The following VRK2 variants were observed in gnomAD, a reference collection of about 807,000 sequenced individuals.
The protein encoded by VRK2 is VRK serine/threonine kinase 2.
A neutral mutation model predicts 57.6 loss-of-function variants in VRK2; 60 were observed. That is an observed-to-expected ratio of 1.04 (90% CI 0.85 to 1.29). The LOEUF is 1.29. Ranked by LOEUF, VRK2 falls within the 50% of genes most tolerant of loss-of-function variation. VRK2 has a pLI of 0.00. For synonymous variants in VRK2, 231 were observed against 199.2 expected (o/e 1.16, Z -1.35); for missense variants, 705 against 588.1 (o/e 1.20, Z -2.06).
At chr2:58,041,923 C>T (rs185865788), upstream of VRK2, among the ~76,000 whole-genome samples, 14 of 152,166 alleles carry the variant, frequency 9.2e-5, no homozygotes, top group African/African-American at 3.4e-4. Flanking sequence ...TCCTACCCCC[C>T]TTTCAAGCTG....
intron 3 of VRK2, 44 bp from the exon 4 acceptor site, chr2:58,084,837 G>A (rs1026247491): frequency 8.0e-7 from 1 of 1,247,518 alleles, no homozygotes; most frequent in African/African-American, 1.5e-5. Context: ...TCCATCTTTG[G>A]GATTATTTTT....
At chr2:57,946,633 T>C (rs1671269750) in intron 1 of VRK2, among the ~76,000 whole-genome samples, 1 of 152,186 alleles carries the variant, frequency 6.6e-6, no homozygotes, top group Non-Finnish European at 1.5e-5. Context: ...TCATAGGTCA[T>C]ATTTTGAGAT....
At chr2:58,130,624 G>A (rs1679049136) in intron 8 of VRK2, among the ~76,000 whole-genome samples, 1 of 152,128 alleles carries the variant, frequency 6.6e-6, no homozygotes, top group Non-Finnish European at 1.5e-5. Context: ...ATTGTTCTTA[G>A]TAGATGACTT....
At chr2:58,016,639 C>T (rs889895994) in intron 1 of VRK2, among the ~76,000 whole-genome samples, 4 of 152,122 alleles carry the variant, frequency 2.6e-5, no homozygotes, top group Admixed American at 6.5e-5. Context: ...GGATTACAGC[C>T]GTGAGCCACC....
rs557048358 is a variant in VRK2 at position 58,113,561 on chromosome 2, G to A, written c.544-9540G>A. ...AGCGAAGGGAGATAGGGGTGGGACC[G>A]TTTTATAGGATTTGGGAAGGTAATG... On this transcript the variant is annotated intron_variant, in intron 7 of 12. Coordinates refer to ENST00000340157, the MANE Select transcript of VRK2 (RefSeq NM_006296.7). Among the ~76,000 whole-genome samples the A allele has an allele frequency of 4.6e-5, 7 of 152,212 alleles. No individual in the cohort carries two copies. In the South Asian group the frequency reaches 8.3e-4, roughly 18 times the overall value.
At position 57,980,857 on chromosome 2, in the gene VRK2, CT is replaced by C. The variant is rs955226661; in HGVS notation, c.-438-44799del. Among the ~76,000 whole-genome samples the C allele has an allele frequency of 3.2e-3, 491 of 151,364 alleles. 7 individuals are homozygous for C. Among genetic ancestry groups the C allele is most frequent in the East Asian group, 1.9e-3 (10 of 5,168 alleles). On this transcript the variant is annotated intron_variant, in intron 1 of 15. Coordinates refer to the VRK2 transcript ENST00000417641. ...CCTAAAATAAGAATAGCAACGCTTGCTTTTTTTTTCTTTTCTGTTTGCTTGA... is the reference window on the plus strand; with the variant it reads ...CCTAAAATAAGAATAGCAACGCTTGCTTTTTTTTCTTTTCTGTTTGCTTGA...
chr2:58,142,318 G>C (rs1681468577), intron 11 of VRK2, among the ~76,000 whole-genome samples: 1 of 147,990 alleles, frequency 6.8e-6, no homozygotes, highest in Non-Finnish European at 1.5e-5. Flanking sequence ...TTTTGCAAAA[G>C]AAAAAGTTTT....
intron 3 of VRK2, among the ~76,000 whole-genome samples, chr2:58,040,471 G>C (rs894360850): frequency 2.0e-5 from 3 of 152,186 alleles, no homozygotes; most frequent in African/African-American, 7.2e-5. Flanking sequence ...GAGACTTAGA[G>C]GAAAACCTAA....
intron 1 of VRK2, among the ~76,000 whole-genome samples, chr2:57,990,631 A>T (rs1672734550): frequency 6.6e-6 from 1 of 152,226 alleles, no homozygotes; most frequent in Non-Finnish European, 1.5e-5. Context: ...TAGAGCTCAC[A>T]CATATGGAAG....
intron 2 of VRK2, among the ~76,000 whole-genome samples, chr2:58,065,510 G>GTT (rs1298186051): frequency 6.6e-6 from 1 of 152,026 alleles, no homozygotes; most frequent in African/African-American, 2.4e-5. Flanking sequence ...CACAGTTTGT[G>GTT]TATTCTACCA....
In VRK2 at chr2:57,946,761, C is replaced by T. The variant is rs13391649; in HGVS notation, c.-439+38922C>T. Among the ~76,000 whole-genome samples, 401 of 152,102 alleles carry T rather than the reference C, an allele frequency of 2.6e-3. 3 individuals are homozygous for T. Among genetic ancestry groups the T allele is most frequent in the African/African-American group, 9.1e-3 (378 of 41,508 alleles). ...CTAACATCAATACTTTCTGTTCAAC[C>T]AAATTTATGAGCCTTCTGGATGTTT... On this transcript the variant is annotated intron_variant, in intron 1 of 15. Transcript: ENST00000417641.
At chr2:58,102,846 C>A (rs529842648) in intron 7 of VRK2, among the ~76,000 whole-genome samples, 1 of 151,696 alleles carries the variant, frequency 6.6e-6, no homozygotes, top group East Asian at 1.9e-4. Flanking sequence ...ACAAAACTAG[C>A]CTCAATACAT....
At chr2:57,956,525 T>C (rs1671590955) in intron 1 of VRK2, among the ~76,000 whole-genome samples, 1 of 152,226 alleles carries the variant, frequency 6.6e-6, no homozygotes, top group Non-Finnish European at 1.5e-5. Flanking sequence ...GGTTCTCTAA[T>C]TCTCTTACTT....
chr2:58,037,829 TACAAATGCCTAATAA>T (rs1363366917), intron 3 of VRK2, among the ~76,000 whole-genome samples: 1 of 152,100 alleles, frequency 6.6e-6, no homozygotes, highest in Admixed American at 6.6e-5. Flanking sequence ...TTTTACAAAG[TACAAATGCCTAATAA>T]ACAAATGAGA....
chr2:58,031,515 A>G (rs961421610), intron 2 of VRK2, among the ~76,000 whole-genome samples: 3 of 152,100 alleles, frequency 2.0e-5, no homozygotes, highest in Non-Finnish European at 4.4e-5. Context: ...GAGAGTTAAA[A>G]TAAAGAAAAC....
chr2:58,151,970 T>G lies in VRK2; in HGVS notation c.1182+5496T>G, dbSNP rs577442784. Among the ~76,000 whole-genome samples, 6 of 151,662 alleles carry G rather than the reference T, an allele frequency of 4.0e-5. No homozygotes were observed. In the East Asian group the frequency reaches 9.7e-4, roughly 24 times the overall value. ...TCAAAAAAGCCTAAAATATTTACTCTCAGGCATTTTACAAAACAAGTTTGC... is the reference window on the plus strand; with the variant it reads ...TCAAAAAAGCCTAAAATATTTACTCGCAGGCATTTTACAAAACAAGTTTGC... On this transcript the variant is annotated intron_variant, in intron 12 of 12. Transcript: ENST00000340157.
chr2:57,920,740 A>G (rs1246494279), intron 1 of VRK2, among the ~76,000 whole-genome samples: 1 of 152,062 alleles, frequency 6.6e-6, no homozygotes, highest in African/African-American at 2.4e-5. Context: ...AACACCTACT[A>G]CTTTCAGTAC....
At chr2:58,046,029 G>C (rs1041651902), upstream of VRK2, among the ~76,000 whole-genome samples, 1 of 152,088 alleles carries the variant, frequency 6.6e-6, no homozygotes, top group Non-Finnish European at 1.5e-5. Context: ...ATTTTTAGTA[G>C]AGATAGGGTT....
At chr2:58,100,084 G>T (rs1033724426) in intron 7 of VRK2, among the ~76,000 whole-genome samples, 4 of 152,074 alleles carry the variant, frequency 2.6e-5, no homozygotes, top group South Asian at 2.1e-4. Flanking sequence ...GTATCTGGTG[G>T]CAAAATACTT....
Sources: gnomAD v4.1 joint callset for allele counts (sites outside exome capture counted in the v4.1 genomes callset) on GRCh38, gnomAD v4.1.1 for gene constraint, MANE v1.5 for transcripts, NCBI Gene and HGNC (gene_info 2026-07-23, HGNC 2026-07-21) for gene names.